Variants in GABRB2 observed in about 807,000 individuals in gnomAD.
GABRB2 encodes the protein gamma-aminobutyric acid type A receptor subunit beta2.
GABRB2 carries 16 observed loss-of-function variants against 54.7 expected under a neutral mutation model. The ratio of observed to expected loss-of-function variants is 0.29; its 90% confidence interval spans 0.20 to 0.44. The LOEUF (loss-of-function observed/expected upper bound fraction) is 0.44, where lower values mean the gene tolerates loss of function less well. Ranked by LOEUF, GABRB2 falls within the 20% of genes least tolerant of loss-of-function variation. The probability of loss-of-function intolerance (pLI) is 1.00; values close to 1 mark genes in which losing one functional copy is unlikely to be tolerated. For missense variants in GABRB2, 355 were observed against 644.0 expected (o/e 0.55, Z 4.86); for synonymous variants, 244 against 233.8 (o/e 1.04, Z -0.40).
intron 4 of GABRB2, among the ~76,000 whole-genome samples, chr5:161,451,451 G>C (rs1157890691): frequency 6.6e-6 from 1 of 152,106 alleles, no homozygotes; most frequent in East Asian, 1.9e-4. Context: ...AAAATCAGTA[G>C]GAGTATATAC....
rs1755911744 is a variant in GABRB2, at chr5:161,393,851, G to C, written c.541+17124C>G. Among the ~76,000 whole-genome samples, 6 of 152,118 alleles carry C rather than the reference G, an allele frequency of 3.9e-5. No individual in the cohort carries two copies. The South Asian group carries it at 1.2e-3, about 32-fold the overall frequency. On this transcript the variant is annotated intron_variant, in intron 5 of 9. Transcript: ENST00000393959. ...AGCATTTGATAGAGCTAGAAAATAA[G>C]CTAATATAAACATAGAAAGTATGAA...
chr5:161,398,544 A>G (rs553403769), intron 5 of GABRB2, among the ~76,000 whole-genome samples: 1 of 152,252 alleles, frequency 6.6e-6, no homozygotes, highest in East Asian at 1.9e-4. Flanking sequence ...CTGAGCATCA[A>G]TTTCCACCGC....
At chr5:161,329,930 T>C (rs1753781651) in intron 8 of GABRB2, 1 of 152,210 alleles carries the variant, frequency 6.6e-6, no homozygotes, top group South Asian at 2.1e-4. Flanking sequence ...AAGTTTAATA[T>C]TGAGAGTAAA....
At chr5:161,455,342 C>T (rs1434967803) in intron 4 of GABRB2, among the ~76,000 whole-genome samples, 1 of 152,092 alleles carries the variant, frequency 6.6e-6, no homozygotes, top group Non-Finnish European at 1.5e-5. Context: ...GCCACACATC[C>T]TCTGAGATGA....
chr5:161,365,812 G>A (rs531459912), intron 5 of GABRB2, among the ~76,000 whole-genome samples: 48 of 152,146 alleles, frequency 3.2e-4, no homozygotes, highest in African/African-American at 1.1e-3. Context: ...AGATGCACAG[G>A]AGCCTCTTAG....
At chr5:161,439,077 AAAG>A (rs1757388693) in intron 4 of GABRB2, among the ~76,000 whole-genome samples, 1 of 152,208 alleles carries the variant, frequency 6.6e-6, no homozygotes. Context: ...GATTTAACCC[AAAG>A]AAGACTAATT....
At chr5:161,496,333 C>T (rs956354522) in intron 3 of GABRB2, among the ~76,000 whole-genome samples, 1 of 152,044 alleles carries the variant, frequency 6.6e-6, no homozygotes, top group African/African-American at 2.4e-5. Flanking sequence ...TATTTTGATT[C>T]ATTTTTTAAT....
chr5:161,546,013 T>C (rs1760974510), intron 2 of GABRB2, among the ~76,000 whole-genome samples: 1 of 152,152 alleles, frequency 6.6e-6, no homozygotes, highest in South Asian at 2.1e-4. Flanking sequence ...GGCACACCAT[T>C]AACTAAACTT....
At position 161,336,701 on chromosome 5, in the gene GABRB2, T is replaced by G; in HGVS notation, c.610A>C (p.Lys204Gln). The G allele has an allele frequency of 6.2e-7, 1 of 1,613,550 alleles. No individual in the cohort carries two copies. The highest frequency in any genetic ancestry group is 8.5e-7 in the Non-Finnish European group (1 of 1,179,732). The change falls in exon 6 of 10, where the codon AAA becomes CAA. Residue 204 changes from lysine (K) to glutamine (Q), a missense_variant. Lys to Gln is a moderately conservative substitution (Grantham distance 53). Transcript: ENST00000393959. ...GDDNAVTGVT[K>Q]IELPQFSIVD... ...ATAGAGAACTGTGGAAGTTCAATTT[T>G]CGTTACTCCTGTTACTGCATTATCA...
intron 9 of GABRB2, among the ~76,000 whole-genome samples, chr5:161,300,780 G>A (rs1473385195): frequency 6.6e-6 from 1 of 152,186 alleles, no homozygotes; most frequent in Non-Finnish European, 1.5e-5. Flanking sequence ...CTGGCTTGGT[G>A]TCCACACTTG....
chr5:161,361,019 A>G (rs1338050602), intron 5 of GABRB2, among the ~76,000 whole-genome samples: 1 of 152,050 alleles, frequency 6.6e-6, no homozygotes, highest in East Asian at 1.9e-4. Context: ...CTAATAAAAA[A>G]AGAAAAAAGA....
intron 5 of GABRB2, among the ~76,000 whole-genome samples, chr5:161,402,777 G>A (rs1239205550): frequency 1.3e-5 from 2 of 152,116 alleles, no homozygotes; most frequent in African/African-American, 4.8e-5. Flanking sequence ...GCCTGGAGAT[G>A]GGGCCCCAGC....
At position 161,459,624 on chromosome 5, in the gene GABRB2, C is replaced by T. The variant is rs920578043; in HGVS notation, c.458G>A (p.Arg153Lys). 1 of 1,612,646 alleles carries T rather than the reference C, an allele frequency of 6.2e-7. No homozygotes were observed. The change falls in exon 4 of 10, where the codon AGA (arginine) becomes AAA (lysine). Residue 153 changes from arginine to lysine, a missense_variant and splice_region_variant. By Grantham distance (26) the Arg-to-Lys change is conservative. Transcript: ENST00000393959. ...ATATTTTGAATTGGGGACAACAGAC[C>T]TGAGTCCATAAAGGACGGTGCCATC... ...HPDGTVLYGL[R>K]ITTTAACMMD... is the part of the protein sequence containing the mutation.
At chr5:161,513,388 C>T (rs929261735) in intron 3 of GABRB2, among the ~76,000 whole-genome samples, 1 of 151,932 alleles carries the variant, frequency 6.6e-6, no homozygotes, top group South Asian at 2.1e-4. Context: ...CCTAAGTGCC[C>T]ATCAACAGCG....
intron 3 of GABRB2, among the ~76,000 whole-genome samples, chr5:161,508,747 C>A (rs1759679589): frequency 6.6e-6 from 1 of 151,972 alleles, no homozygotes; most frequent in Non-Finnish European, 1.5e-5. Context: ...GAATGCATAG[C>A]ATTTTGCCTG....
chr5:161,294,088 A>C lies in GABRB2; in HGVS notation c.1532T>G (p.Val511Gly). 2 of 1,609,562 alleles carry C rather than the reference A, an allele frequency of 1.2e-6. No individual in the cohort carries two copies. Among genetic ancestry groups the C allele is most frequent in the Non-Finnish European group, 1.7e-6 (2 of 1,176,310 alleles). Residue 511 changes from valine (V) to glycine (G), a missense_variant, in exon 10 of 10, where the codon GTG (valine) becomes GGG (glycine). Around this residue, in one of 6 missense-constraint regions of GABRB2, gnomAD observed 201 missense variants for 228.1 expected, o/e 0.88. Coordinates refer to ENST00000393959, the MANE Select transcript of GABRB2 (RefSeq NM_001371727.1). ...CCAGTGGGAGGCCATGTTTTAGTTC[A>C]CATAATAAAGCCAATAGACGATGTT... ...FFNIVYWLYY[V>G]N
In GABRB2 at chr5:161,326,413, G is replaced by A. The variant is rs1266441926; in HGVS notation, c.1146C>T (p.Leu382=). 5.0e-6 allele frequency: 8 copies of A among 1,613,704 alleles called. No individual in the cohort carries two copies. The highest frequency in any genetic ancestry group is 6.8e-6 in the Non-Finnish European group (8 of 1,179,704). Residue 382 remains leucine, a synonymous_variant, in exon 9 of 10, where the codon CTC becomes CTT. Coordinates refer to ENST00000393959, the MANE Select transcript of GABRB2 (RefSeq NM_001371727.1). ...YRSLWDPTGN[L]SPTRRTTNYD... Reference sequence around the variant, plus strand: ...AATTGGTAGTCCGTCTAGTTGGGGAGAGGTTTCCAGTAGGGTCCCACAAGG... The same window carrying A: ...AATTGGTAGTCCGTCTAGTTGGGGAAAGGTTTCCAGTAGGGTCCCACAAGG...
At chr5:161,350,753 T>C (rs1051596992) in intron 5 of GABRB2, among the ~76,000 whole-genome samples, 3 of 152,216 alleles carry the variant, frequency 2.0e-5, no homozygotes, top group Middle Eastern at 3.4e-3. Context: ...CAGAGGAACA[T>C]GGAAGGACTA....
intron 9 of GABRB2, among the ~76,000 whole-genome samples, chr5:161,308,247 T>C (rs1186827630): frequency 6.6e-6 from 1 of 152,210 alleles, no homozygotes; most frequent in Admixed American, 6.5e-5. Context: ...TAGTTGAGAC[T>C]GACCCCCTGT....
Sources: gnomAD v4.1 joint callset for allele counts (sites outside exome capture counted in the v4.1 genomes callset) on GRCh38, gnomAD v4.1.1 for gene constraint, gnomAD v4.1.1 regional missense constraint, MANE v1.5 for transcripts, NCBI Gene and HGNC (gene_info 2026-07-23, HGNC 2026-07-21) for gene names.